Variants in PVT1 observed in about 807,000 individuals in gnomAD.
The protein encoded by PVT1 is Pvt1 oncogene.
At chr8:128,065,133 G>A (rs1012361541) in intron 4 of PVT1, among the ~76,000 whole-genome samples, 6 of 152,314 alleles carry the variant, frequency 3.9e-5, no homozygotes, top group South Asian at 2.1e-4. Context: ...TACAATGTAC[G>A]TGCATGTGCA....
chr8:127,846,076 A>G (rs759815226), intron 2 of PVT1, among the ~76,000 whole-genome samples: 6 of 152,186 alleles, frequency 3.9e-5, no homozygotes, highest in Non-Finnish European at 7.3e-5. Context: ...GCCTTTCCCA[A>G]GCACACATCG....
chr8:127,809,055 AGAAAG>A (rs1563610876), intron 2 of PVT1, among the ~76,000 whole-genome samples: 51 of 104,346 alleles, frequency 4.9e-4, no homozygotes, highest in Non-Finnish European at 6.5e-4. Flanking sequence ...AAAAAAAAAA[AGAAAG>A]AAAAAAAAGA....
rs1815717744 is a variant in PVT1 at position 127,898,699 on chromosome 8, A to T, written n.782+7701A>T. On this transcript the variant is annotated intron_variant and non_coding_transcript_variant, in intron 3 of 10. Coordinates refer to ENST00000651587, the Ensembl canonical transcript of PVT1. The surrounding 1 kb of genome is among the most constrained non-coding windows in gnomAD (Gnocchi z 4.4). ...TCCCTCTCACCTTCCCAGGAGGCAG[A>T]TTATTTCCCTGTGGTGGGGGTGAGG... Among the ~76,000 whole-genome samples the T allele has an allele frequency of 6.6e-6, 1 of 152,072 alleles. No individual in the cohort carries two copies. The highest frequency in any genetic ancestry group is 2.1e-4 in the South Asian group (1 of 4,816).
chr8:127,895,828 G>A (rs1815667609), intron 3 of PVT1, among the ~76,000 whole-genome samples: 1 of 152,124 alleles, frequency 6.6e-6, no homozygotes, highest in Non-Finnish European at 1.5e-5. Flanking sequence ...AGCTTTGCAG[G>A]CCACACAGCT....
At chr8:128,080,986 G>A (rs1814169878) in intron 5 of PVT1, among the ~76,000 whole-genome samples, 1 of 152,204 alleles carries the variant, frequency 6.6e-6, no homozygotes, top group South Asian at 2.1e-4. Context: ...CGATTGCAAT[G>A]TCTTTGCTCC....
intron 5 of PVT1, among the ~76,000 whole-genome samples, chr8:128,095,743 G>A (rs1228428671): frequency 1.3e-5 from 2 of 152,248 alleles, no homozygotes; most frequent in African/African-American, 4.8e-5. Flanking sequence ...GTCTGAGGAT[G>A]ATCACGGATT....
In PVT1 at chr8:127,921,578, G is replaced by A. The variant is rs202233910; in HGVS notation, n.782+30580G>A. Among the ~76,000 whole-genome samples, 38 of 152,218 alleles carry A rather than the reference G, an allele frequency of 2.5e-4. No individual in the cohort carries two copies. The East Asian group carries it at 6.6e-3, about 26-fold the overall frequency. On this transcript the variant is annotated intron_variant and non_coding_transcript_variant, in intron 3 of 10. Transcript: ENST00000651587. Reference sequence around the variant, plus strand: ...TGTAATCCCAACACTTTGGGAGGCCGAGGAGGGAGGATCATTTGAGGCCAG... The same window carrying A: ...TGTAATCCCAACACTTTGGGAGGCCAAGGAGGGAGGATCATTTGAGGCCAG...
At chr8:127,904,115 T>A (rs1815791870) in intron 3 of PVT1, among the ~76,000 whole-genome samples, 1 of 152,212 alleles carries the variant, frequency 6.6e-6, no homozygotes, top group African/African-American at 2.4e-5. Flanking sequence ...CAATGTTTTG[T>A]AGTCCTTGTA....
intron 2 of PVT1, among the ~76,000 whole-genome samples, chr8:127,799,643 T>C (rs925667418): frequency 9.1e-6 from 1 of 110,490 alleles, no homozygotes; most frequent in African/African-American, 3.4e-5. Flanking sequence ...GCAAGTTACT[T>C]CTCTAAGCTT....
intron 3 of PVT1, among the ~76,000 whole-genome samples, chr8:127,967,245 G>A (rs575792954): frequency 2.6e-5 from 4 of 152,144 alleles, no homozygotes; most frequent in South Asian, 2.1e-4. Flanking sequence ...AACCTGACCC[G>A]GGATCTCTCC....
At chr8:127,984,814 G>A (rs1292908011) in intron 3 of PVT1, among the ~76,000 whole-genome samples, 1 of 147,408 alleles carries the variant, frequency 6.8e-6, no homozygotes, top group African/African-American at 2.5e-5. Context: ...CGCCATGTTG[G>A]CCAGGCTGGT....
At chr8:128,057,879 T>C (rs1813780296) in intron 4 of PVT1, among the ~76,000 whole-genome samples, 1 of 152,212 alleles carries the variant, frequency 6.6e-6, no homozygotes, top group Non-Finnish European at 1.5e-5. Flanking sequence ...AAGGCTCACA[T>C]GGTGGTATCA....
At chr8:128,019,539 T>C (rs191555951) in intron 4 of PVT1, among the ~76,000 whole-genome samples, 1 of 152,386 alleles carries the variant, frequency 6.6e-6, no homozygotes, top group Admixed American at 6.5e-5. Context: ...TCTTGAATAT[T>C]TAACAATCAG....
chr8:127,918,964 G>T (rs549454483), intron 3 of PVT1, among the ~76,000 whole-genome samples: 3 of 152,300 alleles, frequency 2.0e-5, no homozygotes, highest in African/African-American at 7.2e-5. Context: ...CTCTCGCGGG[G>T]TCGTGGGGGC....
chr8:127,978,716 A>C (rs1190108866), intron 3 of PVT1, among the ~76,000 whole-genome samples: 2 of 152,096 alleles, frequency 1.3e-5, no homozygotes, highest in Non-Finnish European at 2.9e-5. Context: ...GAACTCGTGA[A>C]AACAGGTGAT....
At chr8:128,086,431 T>G (rs550252349) in intron 5 of PVT1, among the ~76,000 whole-genome samples, 3 of 152,318 alleles carry the variant, frequency 2.0e-5, no homozygotes, top group Admixed American at 6.5e-5. Context: ...CAAACCTACT[T>G]CAGGACAAGA....
intron 4 of PVT1, among the ~76,000 whole-genome samples, chr8:128,013,890 A>AT (rs1478060032): frequency 2.0e-5 from 3 of 152,184 alleles, no homozygotes; most frequent in Non-Finnish European, 4.4e-5. Context: ...TTTTGACTCA[A>AT]TTTAGCTTAA....
At chr8:127,938,034 T>G (rs1816300593) in intron 3 of PVT1, among the ~76,000 whole-genome samples, 2 of 152,168 alleles carry the variant, frequency 1.3e-5, no homozygotes, top group Admixed American at 6.5e-5. Flanking sequence ...TCTCTTTCCC[T>G]CAGCGGAAGC....
chr8:127,940,538 A>T (rs1816335098), intron 3 of PVT1: 1 of 151,408 alleles, frequency 6.6e-6, no homozygotes, highest in Non-Finnish European at 1.5e-5. Context: ...GCCATAAAAT[A>T]TTAACACAAA....
Sources: gnomAD v4.1 joint callset for allele counts (sites outside exome capture counted in the v4.1 genomes callset) on GRCh38, gnomAD v4.1.1 for gene constraint, Gnocchi (gnomAD v3.1) non-coding constraint, MANE v1.5 for transcripts, NCBI Gene and HGNC (gene_info 2026-07-23, HGNC 2026-07-21) for gene names.